Variants in ZFHX3 observed in about 807,000 individuals in gnomAD.
ZFHX3 encodes zinc finger homeobox 3, also known as zinc finger homeobox protein 3.
Under a neutral mutation model 279.1 loss-of-function variants are expected in ZFHX3, and 42 were observed. That is an observed-to-expected ratio of 0.15 (90% CI 0.12 to 0.19). The LOEUF (loss-of-function observed/expected upper bound fraction) is 0.19. Among genes scored for constraint, ZFHX3 ranks in the 10% least tolerant of loss-of-function variants. The pLI is 1.00. For missense variants in ZFHX3, 4,981 were observed against 4,754.0 expected (o/e 1.05, Z -1.40); for synonymous variants, 2,293 against 1,957.8 (o/e 1.17, Z -4.52).
Position 73,594,732 on chromosome 16 carries a change from T to G in ZFHX3, c.-1547+85448A>C, listed in dbSNP as rs115950189. Among the ~76,000 whole-genome samples, 752 of 152,330 alleles carry G rather than the reference T, an allele frequency of 4.9e-3. 6 individuals carry two copies. The highest frequency in any genetic ancestry group is 0.016 in the African/African-American group (661 of 41,574). ...CCACTGGCCGCCCACAAGCCTAACATTGGCATGCGATATTTTATCGTGTAG... is the reference window on the plus strand; with the variant it reads ...CCACTGGCCGCCCACAAGCCTAACAGTGGCATGCGATATTTTATCGTGTAG... On this transcript the variant is annotated intron_variant, in intron 2 of 17. Coordinates refer to the ZFHX3 transcript ENST00000641206.
chr16:72,985,256 T>C (rs2144553313), intron 1 of ZFHX3, among the ~76,000 whole-genome samples: 1 of 152,322 alleles, frequency 6.6e-6, no homozygotes, highest in Middle Eastern at 3.4e-3. Flanking sequence ...GTGAGGCTGA[T>C]ATCATCTCAG....
intron 3 of ZFHX3, among the ~76,000 whole-genome samples, chr16:73,394,847 G>A (rs2017095108): frequency 6.6e-6 from 1 of 152,132 alleles, no homozygotes; most frequent in African/African-American, 2.4e-5. Flanking sequence ...CATATTATGT[G>A]ACATTCTTAT....
intron 7 of ZFHX3, among the ~76,000 whole-genome samples, chr16:73,109,015 C>T (rs4281746): frequency 0.34 from 51,542 of 151,992 alleles, 8,984 homozygotes; most frequent in Admixed American, 0.46. Context: ...TCTGGCTGGC[C>T]GGAGGCATCC....
At chr16:73,824,575 C>T (rs1960845277) in intron 1 of ZFHX3, among the ~76,000 whole-genome samples, 1 of 108,122 alleles carries the variant, frequency 9.2e-6, no homozygotes, top group African/African-American at 3.6e-5. Flanking sequence ...CCACAGTCCC[C>T]AGAGTGTGAT....
At chr16:73,560,934 A>G (rs573109310) in intron 2 of ZFHX3, among the ~76,000 whole-genome samples, 36 of 152,358 alleles carry the variant, frequency 2.4e-4, no homozygotes, top group African/African-American at 6.3e-4. Flanking sequence ...TAGGCAAAAA[A>G]GTATGAGATT....
intron 7 of ZFHX3, among the ~76,000 whole-genome samples, chr16:73,120,706 G>A (rs1966487488): frequency 7.3e-6 from 1 of 137,512 alleles, no homozygotes; most frequent in Non-Finnish European, 1.5e-5. Flanking sequence ...CCAGGCTGGA[G>A]TGCAGTGGCA....
At chr16:73,523,045 AACT>A (rs1232015361) in intron 2 of ZFHX3, among the ~76,000 whole-genome samples, 2 of 152,150 alleles carry the variant, frequency 1.3e-5, no homozygotes, top group Non-Finnish European at 2.9e-5. Flanking sequence ...CAATTATGGG[AACT>A]ACAATTCAAG....
Position 72,797,431 on chromosome 16 carries a change from G to C in ZFHX3, c.5251C>G (p.Gln1751Glu), listed in dbSNP as rs1332657698. Residue 1751 changes from glutamine (Q) to glutamate (E), a missense_variant, in exon 9 of 10, where the codon CAA becomes GAA. Transcript: ENST00000268489. The stretch of plus-strand genomic sequence containing the variant: ...TCCTGCTGCAGGTGAGCTTGAACTT[G>C]AGCCTGGGCCTGGGCCAGCGTTTGT... Reference protein sequence around the residue: ...QAQTLAQAQAQVQAHLQQELQ... With the variant: ...QAQTLAQAQAEVQAHLQQELQ... 1 of 1,613,296 alleles carries C rather than the reference G, an allele frequency of 6.2e-7. No homozygotes were observed. Among genetic ancestry groups the C allele is most frequent in the Non-Finnish European group, 8.5e-7 (1 of 1,179,674 alleles).
intron 5 of ZFHX3, among the ~76,000 whole-genome samples, chr16:73,240,420 T>C (rs779151748): frequency 1.3e-5 from 2 of 152,098 alleles, no homozygotes; most frequent in Non-Finnish European, 2.9e-5. Context: ...GGTTTCCCCA[T>C]GTTCGCCAGT....
chr16:73,682,860 A>AAGAAAGAG lies in ZFHX3; in HGVS notation c.-1607-2621_-1607-2620insCTCTTTCT, dbSNP rs1567550423. On this transcript the variant is annotated intron_variant, in intron 1 of 17. Transcript: ENST00000641206. ...AGAGAGAAAAAAAGAAAGAGAAAGA[A>AAGAAAGAG]AGAAAGAAAGAAAGAAAGAAAGAAA... 2.5e-4 allele frequency among the ~76,000 whole-genome samples: 7 copies of AAGAAAGAG among 27,504 alleles called. No homozygotes were observed. In the East Asian group the frequency reaches 0.032, roughly 127 times the overall value. The allele number at this position is 27,504 out of a possible 152,430, so 18.0% of individuals were successfully genotyped here.
intron 3 of ZFHX3, among the ~76,000 whole-genome samples, chr16:72,934,223 G>A (rs1365613699): frequency 1.3e-5 from 2 of 152,132 alleles, no homozygotes; most frequent in South Asian, 2.1e-4. Flanking sequence ...TCAGGAGTTC[G>A]AGACCAGCCT....
At chr16:73,088,108 G>A (rs1180230728) in intron 8 of ZFHX3, among the ~76,000 whole-genome samples, 2 of 151,818 alleles carry the variant, frequency 1.3e-5, no homozygotes, top group African/African-American at 4.8e-5. Context: ...GATTATAGGC[G>A]TGAACCACTG....
rs992715055 is a variant in ZFHX3 at position 73,553,976 on chromosome 16, G to A, written c.-1546-97718C>T. On this transcript the variant is annotated intron_variant, in intron 2 of 17. Transcript: ENST00000641206. ...GATAAATGGCGGCTGCATTTCACAC[G>A]GTTGTTTATAACAAACTAGTCTGAA... Among the ~76,000 whole-genome samples the A allele has an allele frequency of 5.3e-5, 8 of 152,302 alleles. No homozygotes were observed. In the South Asian group the frequency reaches 1.0e-3, roughly 20 times the overall value.
At position 73,109,543 on chromosome 16, in the gene ZFHX3, G is replaced by A. The variant is rs905660856; in HGVS notation, c.-896-15945C>T. ...CTGCGCAGGATGGATACACAAACTCGTGAAGCATTCCGTATTTTTTTTGTT... is the reference window on the plus strand; with the variant it reads ...CTGCGCAGGATGGATACACAAACTCATGAAGCATTCCGTATTTTTTTTGTT... On this transcript the variant is annotated intron_variant, in intron 7 of 17. Transcript: ENST00000641206. Among the ~76,000 whole-genome samples, 14 of 151,646 alleles carry A rather than the reference G, an allele frequency of 9.2e-5. 1 individual carries two copies. The highest frequency in any genetic ancestry group is 3.4e-3 in the Middle Eastern group (1 of 294).
intron 2 of ZFHX3, among the ~76,000 whole-genome samples, chr16:73,526,419 C>A (rs919255091): frequency 3.3e-5 from 5 of 152,256 alleles, no homozygotes; most frequent in Non-Finnish European, 7.3e-5. Flanking sequence ...TCGCCACCCC[C>A]ACCCTGTTCA....
At chr16:73,161,121 C>T (rs1020435406) in intron 5 of ZFHX3, among the ~76,000 whole-genome samples, 3 of 151,950 alleles carry the variant, frequency 2.0e-5, no homozygotes, top group Non-Finnish European at 2.9e-5. Flanking sequence ...TACAGGCGCC[C>T]GGCACCATGC....
At chr16:73,170,223 G>GCTTTTTTTTTTTTTTTTT (rs1207492702) in intron 5 of ZFHX3, among the ~76,000 whole-genome samples, 1 of 57,718 alleles carries the variant, frequency 1.7e-5, no homozygotes, top group African/African-American at 7.3e-5. Context: ...CCTTTCACTA[G>GCTTTTTTTTTTTTTTTTT]TTTTTTTTTT....
At chr16:72,820,806 C>G (rs540820092) in intron 5 of ZFHX3, among the ~76,000 whole-genome samples, 1 of 152,250 alleles carries the variant, frequency 6.6e-6, no homozygotes, top group East Asian at 1.9e-4. Context: ...GAAGGAACCT[C>G]AGAAACCTTT....
chr16:73,389,767 T>C (rs1178055848), intron 3 of ZFHX3, among the ~76,000 whole-genome samples: 1 of 152,230 alleles, frequency 6.6e-6, no homozygotes, highest in Non-Finnish European at 1.5e-5. Context: ...GACGATCCTT[T>C]TTGAAAAATC....
Sources: gnomAD v4.1 joint callset for allele counts (sites outside exome capture counted in the v4.1 genomes callset) on GRCh38, gnomAD v4.1.1 for gene constraint, MANE v1.5 for transcripts, NCBI Gene and HGNC (gene_info 2026-07-23, HGNC 2026-07-21) for gene names.